CHRD: variants seen among roughly 807,000 people sequenced by gnomAD.
The protein encoded by CHRD is chordin.
A neutral mutation model predicts 113.7 loss-of-function variants in CHRD; 69 were observed. The observed-to-expected ratio is 0.61, with a 90% CI of 0.50 to 0.74. The LOEUF (loss-of-function observed/expected upper bound fraction) is 0.74, where lower values mean the gene tolerates loss of function less well. Ranked by LOEUF, CHRD falls within the 30% of genes least tolerant of loss-of-function variation. CHRD has a pLI of 0.00. For synonymous variants in CHRD, 561 were observed against 540.8 expected, an observed-to-expected ratio of 1.04 and a Z score of -0.52; for missense variants, 1,194 against 1,295.8, an observed-to-expected ratio of 0.92 and a Z score of 1.21.
rs1443022983 is a variant in CHRD, at chr3:184,387,136, G to A, written c.2347+29G>A. Reference sequence around the variant, plus strand: ...AGCTGGAAGGGTGCGTGCAGGGTGGGAGGCCCCAGAGGAGCCATTAGGTTG... The same window carrying A: ...AGCTGGAAGGGTGCGTGCAGGGTGGAAGGCCCCAGAGGAGCCATTAGGTTG... On this transcript the variant is annotated intron_variant, in intron 18 of 22. Coordinates refer to ENST00000204604, the Ensembl canonical transcript of CHRD. This position sits in a 1 kb window ranked among gnomAD's most constrained non-coding sequence, Gnocchi z 6.1. 4 of 1,602,136 alleles carry A rather than the reference G, an allele frequency of 2.5e-6. No individual in the cohort carries two copies. The highest frequency in any genetic ancestry group is 1.3e-5 in the African/African-American group (1 of 74,844).
rs777171503 is a variant in CHRD, at chr3:184,386,965, G to A, written c.2290+27G>A. 1.1e-5 allele frequency: 18 copies of A among 1,614,222 alleles called. No homozygotes were observed. The South Asian group carries it at 1.6e-4, about 15-fold the overall frequency. ...TGAGTTCCCCGCAGGGGAGTGGAGG[G>A]AGGAGTTGGCCCAGTGCGGACAGGT... On this transcript the variant is annotated intron_variant, in intron 17 of 22. Transcript: ENST00000204604.
At position 184,387,949 on chromosome 3, in the gene CHRD, C is replaced by G. The variant is rs1276186761; in HGVS notation, c.2470C>G (p.His824Asp). 6.2e-7 allele frequency: 1 copy of G among 1,612,948 alleles called. No individual in the cohort carries two copies. The change falls in exon 20 of 23, where the codon CAC becomes GAC. Residue 824 changes from histidine to aspartate, a missense_variant. Transcript: ENST00000204604. The surrounding 1 kb of genome is among the most constrained non-coding windows in gnomAD (Gnocchi z 6.1). Reference sequence around the variant, plus strand: ...CCTACAGGGGGGCACTGGAGAGGTGCACTGTGAGAAGGTGCAGTGTCCCCG... The same window carrying G: ...CCTACAGGGGGGCACTGGAGAGGTGGACTGTGAGAAGGTGCAGTGTCCCCG...
In CHRD at chr3:184,381,584, G is replaced by A. The variant is rs747043337; in HGVS notation, c.471G>A (p.Glu157=). The change falls in exon 4 of 23, where the codon GAG becomes GAA. Residue 157 remains glutamate (E), a synonymous_variant. Coordinates refer to ENST00000204604, the Ensembl canonical transcript of CHRD. The surrounding 1 kb of genome is among the most constrained non-coding windows in gnomAD (Gnocchi z 4.7). ...ATCGCAGTTATAGCGACCGCGGGGA[G>A]CCAGGCGCTGAGGAGCGGGCCCGTG... 2 of 1,608,528 alleles carry A rather than the reference G, an allele frequency of 1.2e-6. No individual in the cohort carries two copies. The highest frequency in any genetic ancestry group is 2.2e-5 in the South Asian group (2 of 90,680).
Position 184,383,746 on chromosome 3 carries a change from T to G in CHRD, c.1440+104T>G, listed in dbSNP as rs117351539. The G allele has an allele frequency of 0.011, 12,583 of 1,140,642 alleles. 566 individuals are homozygous for G. The East Asian group carries it at 0.11, about 10-fold the overall frequency. 70.7% of individuals were successfully genotyped at this position (1,140,642 alleles called of 1,614,324 possible). On this transcript the variant is annotated intron_variant, in intron 12 of 22. Coordinates refer to ENST00000204604, the Ensembl canonical transcript of CHRD. The stretch of plus-strand genomic sequence containing the variant: ...TCATTATCATCCACTCACTCATGGG[T>G]TCTCCCACTCATTCATTTATTCATT...
rs2293606 is a variant in CHRD at position 184,388,705 on chromosome 3, T to G, written c.2673T>G (p.Pro891=). The G allele has an allele frequency of 0.067, 107,788 of 1,613,822 alleles. 4,454 individuals carry two copies. Among genetic ancestry groups the G allele is most frequent in the African/African-American group, 0.15 (11,427 of 74,962 alleles). ...AGAGCTGGCACCCCTCAGTGCCCCC[T>G]TTTGGAGAGATGAGCTGTATCACCT... The change falls in exon 21 of 23, where the codon CCT becomes CCG. Residue 891 remains proline, a synonymous_variant. Coordinates refer to ENST00000204604, the Ensembl canonical transcript of CHRD. This position sits in a 1 kb window ranked among gnomAD's most constrained non-coding sequence, Gnocchi z 6.1.
chr3:184,382,506 A>C, exon 7 of CHRD: 3 of 1,613,940 alleles, frequency 1.9e-6, no homozygotes, highest in Non-Finnish European at 2.5e-6. Flanking sequence ...GGGGCCTCTC[A>C]TCCGGCACCG....
chr3:184,386,154 GGGCA>G lies in CHRD; in HGVS notation c.1930_1932+1del, dbSNP rs752772009. The G allele has an allele frequency of 6.2e-7, 1 of 1,614,142 alleles. No homozygotes were observed. The highest frequency in any genetic ancestry group is 8.5e-7 in the Non-Finnish European group (1 of 1,180,002). ...GGGTAGCCCCAGAGGGGAGCTCCGA[GGGCA>G]GGTAGGTGGCGAGTGTGGGCAGTGG... On this transcript the variant is annotated frameshift_variant and splice_region_variant, in exon 15 of 23. Transcript: ENST00000204604. LOFTEE classifies it high-confidence loss of function.
chr3:184,383,696 AGC>A lies in CHRD; in HGVS notation c.1440+55_1440+56del, dbSNP rs1715835731. The A allele has an allele frequency of 5.2e-6, 8 of 1,540,120 alleles. No homozygotes were observed. In the South Asian group the frequency reaches 1.0e-4, roughly 19 times the overall value. On this transcript the variant is annotated intron_variant, in intron 12 of 22. Coordinates refer to ENST00000204604, the Ensembl canonical transcript of CHRD. ...AGGGCCCAATGCATGGGCTGTGGGAAGCCAGGTTGGATGAGCAGGGATGTTCA... is the reference window on the plus strand; with the variant it reads ...AGGGCCCAATGCATGGGCTGTGGGAACAGGTTGGATGAGCAGGGATGTTCA...
Position 184,387,516 on chromosome 3 carries a change from G to T in CHRD, c.2451+39G>T. ...ATCTTCTCTGGTGCCATAACCCAGC[G>T]GGGTCTGCAGAGATGGGGAGGGGCT... is the stretch of plus-strand genomic sequence containing the variant. On this transcript the variant is annotated intron_variant, in intron 19 of 22. Transcript: ENST00000204604. The surrounding 1 kb of genome is among the most constrained non-coding windows in gnomAD (Gnocchi z 6.1). 1.3e-6 allele frequency: 2 copies of T among 1,538,998 alleles called. No individual in the cohort carries two copies. Among genetic ancestry groups the T allele is most frequent in the East Asian group, 2.3e-5 (1 of 43,794 alleles).
In CHRD at chr3:184,387,564, T is replaced by A; in HGVS notation, c.2451+87T>A. 1 of 1,245,286 alleles carries A rather than the reference T, an allele frequency of 8.0e-7. No homozygotes were observed. Among genetic ancestry groups the A allele is most frequent in the Non-Finnish European group, 1.1e-6 (1 of 909,530 alleles). The allele number at this position is 1,245,286 out of a possible 1,614,324, so 77.1% of individuals were successfully genotyped here. Reference sequence around the variant, plus strand: ...GCTGCCAGGTGAGGAAGGCCCGTCCTTGGTGAGGAGGGCTCAAGAATCAAA... The same window carrying A: ...GCTGCCAGGTGAGGAAGGCCCGTCCATGGTGAGGAGGGCTCAAGAATCAAA... On this transcript the variant is annotated intron_variant, in intron 19 of 22. Transcript: ENST00000204604. This position sits in a 1 kb window ranked among gnomAD's most constrained non-coding sequence, Gnocchi z 6.1.
chr3:184,384,431 G>T lies in CHRD; in HGVS notation c.1441-106G>T. On this transcript the variant is annotated intron_variant, in intron 12 of 22. Coordinates refer to ENST00000204604, the Ensembl canonical transcript of CHRD. This position sits in a 1 kb window ranked among gnomAD's most constrained non-coding sequence, Gnocchi z 4.4. Reference sequence around the variant, plus strand: ...GCCAGGTCCTTATCCTGTGTTTCTGGTGTGTGGAAGTGTGTGTGGGTGGAG... The same window carrying T: ...GCCAGGTCCTTATCCTGTGTTTCTGTTGTGTGGAAGTGTGTGTGGGTGGAG... 4 of 1,265,228 alleles carry T rather than the reference G, an allele frequency of 3.2e-6. No individual in the cohort carries two copies. Among genetic ancestry groups the T allele is most frequent in the Non-Finnish European group, 4.1e-6 (4 of 981,326 alleles). The allele number at this position is 1,265,228 out of a possible 1,614,324, so 78.4% of individuals were successfully genotyped here.
At position 184,380,840 on chromosome 3, in the gene CHRD, C is replaced by A; in HGVS notation, c.252+45C>A. 7.0e-7 allele frequency: 1 copy of A among 1,434,304 alleles called. No homozygotes were observed. 88.8% of individuals were successfully genotyped at this position (1,434,304 alleles called of 1,614,324 possible). A position where few individuals can be genotyped will look rare whatever the true frequency, so the allele number is the denominator to read the frequency against. ...GGCCCGGGCCCTGGCGGGTGGGGAG[C>A]GCCGGGTCGCGCGGGCGTCGGAGTG... On this transcript the variant is annotated intron_variant, in intron 2 of 22. Transcript: ENST00000204604. This position sits in a 1 kb window ranked among gnomAD's most constrained non-coding sequence, Gnocchi z 6.3.
At chr3:184,386,076 G>A in exon 15 of CHRD, 1 of 1,614,230 alleles carries the variant, frequency 6.2e-7, no homozygotes, top group East Asian at 2.2e-5. Context: ...CCTGGAGCCG[G>A]AACTGCTGCG....
exon 16 of CHRD, chr3:184,386,678 T>C (rs1196905774): frequency 6.2e-7 from 1 of 1,612,304 alleles, no homozygotes; most frequent in Non-Finnish European, 8.5e-7. Context: ...CACATGCTTC[T>C]TCGAGGGGCA....
At chr3:184,389,130 C>A in intron 22 of CHRD, 135 bp downstream of exon 22, 2 of 684,528 alleles carry the variant, frequency 2.9e-6, no homozygotes, top group East Asian at 2.7e-5. Flanking sequence ...TCCAATCCAC[C>A]CTCACAGCAA....
intron 12 of CHRD, among the ~76,000 whole-genome samples, chr3:184,383,864 C>A (rs1413168204): frequency 6.7e-6 from 1 of 148,918 alleles, no homozygotes; most frequent in Non-Finnish European, 1.5e-5. Context: ...GCAACCTCTG[C>A]CTCCTGGGTT....
exon 6 of CHRD, chr3:184,382,015 G>A (rs753347321): frequency 4.3e-6 from 7 of 1,613,836 alleles, no homozygotes. Context: ...CACCCAAGAT[G>A]GCCTGGTGAG....
In CHRD at chr3:184,380,309, C is replaced by G. The variant is rs563180727; in HGVS notation, c.-10C>G. 4.6e-6 allele frequency: 6 copies of G among 1,316,906 alleles called. No homozygotes were observed. The highest frequency in any genetic ancestry group is 3.1e-5 in the South Asian group (2 of 63,764). The allele number at this position is 1,316,906 out of a possible 1,614,324, so 81.6% of individuals were successfully genotyped here. ...CTCCCTCCCTCCTCCCCAGCTGTCC[C>G]GTTCGCGTCATGCCGAGCCTCCCGG... On this transcript the variant is annotated 5_prime_UTR_variant, in exon 1 of 23. Coordinates refer to ENST00000204604, the Ensembl canonical transcript of CHRD. This position sits in a 1 kb window ranked among gnomAD's most constrained non-coding sequence, Gnocchi z 6.3.
Position 184,384,887 on chromosome 3 carries a change from C to T in CHRD, c.1598-131C>T. 4 of 1,216,672 alleles carry T rather than the reference C, an allele frequency of 3.3e-6. No homozygotes were observed. Among genetic ancestry groups the T allele is most frequent in the Non-Finnish European group, 4.6e-6 (4 of 860,904 alleles). 75.4% of individuals were successfully genotyped at this position (1,216,672 alleles called of 1,614,324 possible). A position where few individuals can be genotyped will look rare whatever the true frequency, so the allele number is the denominator to read the frequency against. On this transcript the variant is annotated intron_variant, in intron 13 of 22. Coordinates refer to ENST00000204604, the Ensembl canonical transcript of CHRD. The surrounding 1 kb of genome is among the most constrained non-coding windows in gnomAD (Gnocchi z 4.4). The stretch of plus-strand genomic sequence containing the variant: ...GTTCAAGGGTCTAAAACTTGCTGCT[C>T]TCCAGGCCCTGGACCTATGGACAGT...
Sources: gnomAD v4.1 joint callset for allele counts (sites outside exome capture counted in the v4.1 genomes callset) on GRCh38, gnomAD v4.1.1 for gene constraint, Gnocchi (gnomAD v3.1) non-coding constraint, MANE v1.5 for transcripts, NCBI Gene and HGNC (gene_info 2026-07-23, HGNC 2026-07-21) for gene names.